Variants in SASH1 observed in about 807,000 individuals in gnomAD.
The protein encoded by SASH1 is SAM and SH3 domain-containing protein 1.
SASH1 carries 44 observed loss-of-function variants against 125.2 expected under a neutral mutation model. The observed-to-expected ratio is 0.35, with a 90% CI of 0.28 to 0.45. The LOEUF is 0.45. Ranked by LOEUF, SASH1 falls within the 20% of genes least tolerant of loss-of-function variation. The pLI, the probability that SASH1 is intolerant of heterozygous loss-of-function variation, is 1.00. For missense variants in SASH1, 1,426 were observed against 1,614.5 expected (o/e 0.88, Z 2.00); for synonymous variants, 639 against 649.1 (o/e 0.98, Z 0.24).
the SASH1 span, among the ~76,000 whole-genome samples, chr6:148,194,582 T>C: frequency 6.6e-6 from 1 of 152,208 alleles, no homozygotes; most frequent in Non-Finnish European, 1.5e-5. Context: ...TACTGAAACA[T>C]TGGTTTCTAA....
chr6:148,500,768 A>G (rs1194348421), intron 8 of SASH1, among the ~76,000 whole-genome samples: 5 of 151,604 alleles, frequency 3.3e-5, no homozygotes, highest in African/African-American at 1.2e-4. Context: ...TATTTTTGCT[A>G]GTTTTTAGTG....
intron 8 of SASH1, among the ~76,000 whole-genome samples, chr6:148,488,135 C>T (rs999713483): frequency 3.3e-5 from 5 of 152,078 alleles, no homozygotes; most frequent in African/African-American, 1.2e-4. Flanking sequence ...CCTACGCCCC[C>T]GCCTCACCCA....
intron 8 of SASH1, among the ~76,000 whole-genome samples, chr6:148,489,395 A>G (rs1779005089): frequency 6.6e-6 from 1 of 152,192 alleles, no homozygotes; most frequent in South Asian, 2.1e-4. Context: ...TGAAATTAGG[A>G]AGTATGACAC....
At chr6:148,278,588 CT>C (rs1402997864) in intron 1 of SASH1, 1 of 151,858 alleles carries the variant, frequency 6.6e-6, no homozygotes, top group Non-Finnish European at 1.5e-5. Context: ...CTAAAAAGAG[CT>C]TAACTATGCA....
chr6:148,307,508 A>G (rs989903825), intron 1 of SASH1, among the ~76,000 whole-genome samples: 1 of 152,160 alleles, frequency 6.6e-6, no homozygotes. Flanking sequence ...ATTAAATAAT[A>G]GCATCCTCCT....
At position 148,369,679 on chromosome 6, in the gene SASH1, C is replaced by T. The variant is rs532314785; in HGVS notation, c.157-20455C>T. ...GACAAAAAAACCCAACCTGGCCGGA[C>T]GTGGTGACTCATGCCTGCGATCCTG... is the stretch of plus-strand genomic sequence containing the variant. On this transcript the variant is annotated intron_variant, in intron 1 of 19. Coordinates refer to ENST00000367467, the MANE Select transcript of SASH1 (RefSeq NM_015278.5). Among the ~76,000 whole-genome samples the T allele has an allele frequency of 3.3e-5, 5 of 152,098 alleles. No individual in the cohort carries two copies. The South Asian group carries it at 8.3e-4, about 25-fold the overall frequency.
chr6:148,343,918 TAGGC>T (rs1261044188), intron 1 of SASH1, among the ~76,000 whole-genome samples: 1 of 152,208 alleles, frequency 6.6e-6, no homozygotes, highest in Non-Finnish European at 1.5e-5. Context: ...GAGCTGTAGT[TAGGC>T]AGGTAGACTG....
At chr6:148,242,990 T>A in the SASH1 span, among the ~76,000 whole-genome samples, 10,283 of 152,178 alleles carry the variant, frequency 0.068, 363 homozygotes, top group Middle Eastern at 0.11. Flanking sequence ...AAAAACAGGA[T>A]GTTTTGGCTG....
intron 2 of SASH1, among the ~76,000 whole-genome samples, chr6:148,420,365 T>A (rs1785007368): frequency 6.6e-6 from 1 of 152,148 alleles, no homozygotes; most frequent in African/African-American, 2.4e-5. Context: ...TTAAAAAAAA[T>A]AAGGATGATA....
intron 1 of SASH1, among the ~76,000 whole-genome samples, chr6:148,291,057 G>A (rs1779620408): frequency 6.6e-6 from 1 of 150,880 alleles, no homozygotes; most frequent in Non-Finnish European, 1.5e-5. Context: ...GGAGTGCAGT[G>A]GTGCAAATCA....
At chr6:148,204,217 C>T in the SASH1 span, among the ~76,000 whole-genome samples, 3 of 152,172 alleles carry the variant, frequency 2.0e-5, no homozygotes, top group Admixed American at 2.0e-4. Flanking sequence ...ATGCGGTTTG[C>T]AGAAACCCTT....
the SASH1 span, among the ~76,000 whole-genome samples, chr6:148,225,467 C>A: frequency 6.6e-6 from 1 of 152,042 alleles, no homozygotes; most frequent in African/African-American, 2.4e-5. Flanking sequence ...TAAAGTAACT[C>A]AGGAATGGAA....
chr6:148,246,481 A>C, the SASH1 span, among the ~76,000 whole-genome samples: 2 of 152,232 alleles, frequency 1.3e-5, no homozygotes, highest in East Asian at 3.8e-4. Flanking sequence ...ACATTTTTCC[A>C]TAAAGGGATT....
chr6:148,474,832 A>G (rs1204224894), intron 7 of SASH1, among the ~76,000 whole-genome samples: 1 of 152,188 alleles, frequency 6.6e-6, no homozygotes, highest in Non-Finnish European at 1.5e-5. Context: ...TCGGCCTCCC[A>G]ACATGTTGGA....
chr6:148,323,769 A>G (rs1012656311), intron 1 of SASH1, among the ~76,000 whole-genome samples: 1 of 152,116 alleles, frequency 6.6e-6, no homozygotes, highest in Non-Finnish European at 1.5e-5. Context: ...TCAGGCATAC[A>G]TGAGCCACAT....
At chr6:148,490,214 A>G (rs1451833556) in intron 8 of SASH1, among the ~76,000 whole-genome samples, 1 of 151,638 alleles carries the variant, frequency 6.6e-6, no homozygotes, top group Non-Finnish European at 1.5e-5. Context: ...AATTTCATAT[A>G]GGCTTTTTTT....
chr6:148,457,657 C>T (rs540976772), intron 4 of SASH1, among the ~76,000 whole-genome samples: 8 of 152,248 alleles, frequency 5.3e-5, no homozygotes, highest in African/African-American at 1.4e-4. Flanking sequence ...TAGTCATTTT[C>T]GTTTCTTCGC....
intron 1 of SASH1, among the ~76,000 whole-genome samples, chr6:148,324,130 A>AAAAAAAAG (rs1339028566): frequency 6.7e-6 from 1 of 150,106 alleles, no homozygotes; most frequent in Non-Finnish European, 1.5e-5. Flanking sequence ...AAAAAAAAAA[A>AAAAAAAAG]AAAAAACAAG....
At chr6:148,522,377 T>C (rs1780873184) in intron 10 of SASH1, among the ~76,000 whole-genome samples, 1 of 152,254 alleles carries the variant, frequency 6.6e-6, no homozygotes, top group Non-Finnish European at 1.5e-5. Flanking sequence ...CTTATTTCTT[T>C]GCTAGATTTA....
Sources: gnomAD v4.1 joint callset for allele counts (sites outside exome capture counted in the v4.1 genomes callset) on GRCh38, gnomAD v4.1.1 for gene constraint, MANE v1.5 for transcripts, NCBI Gene and HGNC (gene_info 2026-07-23, HGNC 2026-07-21) for gene names.